CTNNA2: variants seen among roughly 807,000 people sequenced by gnomAD.
CTNNA2 encodes the protein catenin alpha 2.
CTNNA2 carries 42 observed loss-of-function variants against 101.0 expected under a neutral mutation model. The ratio of observed to expected loss-of-function variants is 0.42; its 90% confidence interval spans 0.32 to 0.54. The LOEUF (loss-of-function observed/expected upper bound fraction) is 0.54, where lower values mean the gene tolerates loss of function less well. Ranked by LOEUF, CTNNA2 falls within the 20% of genes least tolerant of loss-of-function variation. The probability of loss-of-function intolerance (pLI) is 0.14; values close to 1 mark genes in which losing one functional copy is unlikely to be tolerated. For synonymous variants in CTNNA2, 450 were observed against 456.4 expected (o/e 0.99, Z 0.18); for missense variants, 871 against 1,223.1 (o/e 0.71, Z 4.29).
chr2:80,381,549 A>G (rs1676517140), intron 7 of CTNNA2, among the ~76,000 whole-genome samples: 1 of 152,132 alleles, frequency 6.6e-6, no homozygotes, highest in African/African-American at 2.4e-5. Context: ...GGACAGGAAG[A>G]GGTCATTCTC....
At chr2:80,619,297 G>C in intron 18 of CTNNA2, 69 bp downstream of exon 18, 7 of 1,348,004 alleles carry the variant, frequency 5.2e-6, no homozygotes, top group Non-Finnish European at 6.7e-6. Flanking sequence ...AGGGGGGATT[G>C]GATTTTAGGG....
chr2:80,127,360 T>C (rs1702195533), intron 7 of CTNNA2, among the ~76,000 whole-genome samples: 1 of 152,174 alleles, frequency 6.6e-6, no homozygotes, highest in Non-Finnish European at 1.5e-5. Context: ...GCTATGCCTT[T>C]TGGGGCAGAA....
chr2:79,755,154 C>T (rs1158200225), intron 3 of CTNNA2, among the ~76,000 whole-genome samples: 2 of 151,876 alleles, frequency 1.3e-5, no homozygotes, highest in Admixed American at 6.6e-5. Flanking sequence ...GCAAGACCCC[C>T]ATCTCTACAA....
chr2:80,259,980 C>T (rs1452074440), intron 7 of CTNNA2, among the ~76,000 whole-genome samples: 1 of 152,176 alleles, frequency 6.6e-6, no homozygotes, highest in Non-Finnish European at 1.5e-5. Flanking sequence ...ACTGCCACCT[C>T]GTGAGCCCTT....
chr2:79,779,435 T>C (rs906890856), intron 3 of CTNNA2, among the ~76,000 whole-genome samples: 3 of 152,214 alleles, frequency 2.0e-5, no homozygotes, highest in Non-Finnish European at 4.4e-5. Context: ...GAGGTGAATC[T>C]ACTGCCTGCC....
chr2:79,272,867 C>T (rs1234351685), intron 2 of CTNNA2, among the ~76,000 whole-genome samples: 1 of 152,028 alleles, frequency 6.6e-6, no homozygotes. Flanking sequence ...TTACACTCAT[C>T]CCTATTTCAG....
intron 1 of CTNNA2, among the ~76,000 whole-genome samples, chr2:79,613,328 T>C (rs1678409901): frequency 6.6e-6 from 1 of 151,910 alleles, no homozygotes; most frequent in African/African-American, 2.4e-5. Context: ...TTCCGAGTTT[T>C]CTTAATGTGG....
At chr2:80,554,924 T>A (rs1457969128) in intron 11 of CTNNA2, among the ~76,000 whole-genome samples, 1 of 152,184 alleles carries the variant, frequency 6.6e-6, no homozygotes, top group African/African-American at 2.4e-5. Context: ...TGCAAGGGAA[T>A]AAATAATGTG....
At chr2:80,339,124 G>T (rs998761759) in intron 7 of CTNNA2, among the ~76,000 whole-genome samples, 4 of 152,136 alleles carry the variant, frequency 2.6e-5, no homozygotes, top group Non-Finnish European at 4.4e-5. Flanking sequence ...ACATATGGTA[G>T]ATTTTTTTTT....
chr2:80,455,958 T>C (rs1317069145), intron 9 of CTNNA2, among the ~76,000 whole-genome samples: 1 of 152,222 alleles, frequency 6.6e-6, no homozygotes, highest in African/African-American at 2.4e-5. Context: ...AAGAGAAGTT[T>C]GGAACTAAAC....
intron 2 of CTNNA2, among the ~76,000 whole-genome samples, chr2:79,265,368 A>G (rs1674975022): frequency 6.6e-6 from 1 of 152,196 alleles, no homozygotes; most frequent in South Asian, 2.1e-4. Flanking sequence ...TATGGTGCCA[A>G]GACAGCCTGT....
intron 18 of CTNNA2, among the ~76,000 whole-genome samples, chr2:80,621,755 G>A (rs917734527): frequency 1.5e-5 from 2 of 131,928 alleles, no homozygotes; most frequent in Non-Finnish European, 3.6e-5. Flanking sequence ...TATGTACTAT[G>A]GGGGATAAAA....
At chr2:80,013,896 C>G (rs922772110) in intron 7 of CTNNA2, among the ~76,000 whole-genome samples, 2 of 152,188 alleles carry the variant, frequency 1.3e-5, no homozygotes, top group Non-Finnish European at 2.9e-5. Context: ...TAATTCATGG[C>G]TCACAGCCTA....
chr2:80,468,032 G>A (rs1041415393), intron 9 of CTNNA2, among the ~76,000 whole-genome samples: 2 of 152,138 alleles, frequency 1.3e-5, no homozygotes, highest in Non-Finnish European at 2.9e-5. Flanking sequence ...TTTCATGGAA[G>A]GATTTACACT....
intron 7 of CTNNA2, among the ~76,000 whole-genome samples, chr2:80,309,621 G>T (rs1677348620): frequency 6.6e-6 from 1 of 152,080 alleles, no homozygotes; most frequent in African/African-American, 2.4e-5. Flanking sequence ...GATACTTGGG[G>T]TAATTAAATG....
chr2:79,667,963 G>A (rs866736643), intron 2 of CTNNA2, among the ~76,000 whole-genome samples: 15 of 151,172 alleles, frequency 9.9e-5, no homozygotes, highest in Admixed American at 1.3e-4. Context: ...ACTTGAGGCC[G>A]GGCGCGGTGG....
chr2:79,629,462 A>T (rs1484024932), intron 1 of CTNNA2, among the ~76,000 whole-genome samples: 1 of 152,164 alleles, frequency 6.6e-6, no homozygotes, highest in Non-Finnish European at 1.5e-5. Context: ...CTGAGCAGTT[A>T]AACCTTTGCC....
chr2:79,516,652 C>T (rs1305369496), intron 1 of CTNNA2, among the ~76,000 whole-genome samples: 1 of 152,262 alleles, frequency 6.6e-6, no homozygotes, highest in African/African-American at 2.4e-5. Context: ...TTCAGCTACC[C>T]ATGGAGGTAG....
At chr2:79,816,167 G>T (rs962903394) in intron 3 of CTNNA2, among the ~76,000 whole-genome samples, 9 of 151,912 alleles carry the variant, frequency 5.9e-5, no homozygotes, top group Admixed American at 3.9e-4. Context: ...GAGTCTTTAG[G>T]GTTTTCAAGG....
Sources: allele counts gnomAD v4.1 joint callset (sites outside exome capture counted in the v4.1 genomes callset), GRCh38; gene constraint gnomAD v4.1.1; transcripts MANE v1.5; gene names NCBI Gene and HGNC (gene_info 2026-07-23, HGNC 2026-07-21).